The following DLGAP2 variants were observed in gnomAD, a reference collection of about 807,000 sequenced individuals.
DLGAP2 encodes the protein DLG associated protein 2.
Under a neutral mutation model 100.3 loss-of-function variants are expected in DLGAP2, and 26 were observed. That is an observed-to-expected ratio of 0.26 (90% CI 0.19 to 0.36). The LOEUF (loss-of-function observed/expected upper bound fraction) is 0.36. DLGAP2 is among the 10% of genes least tolerant of loss of function. The pLI, the probability that DLGAP2 is intolerant of heterozygous loss-of-function variation, is 1.00. For missense variants in DLGAP2, 1,858 were observed against 1,453.2 expected (o/e 1.28, Z -4.53); for synonymous variants, 886 against 630.1 (o/e 1.41, Z -6.08).
At chr8:800,827 A>G (rs1796136092) in intron 1 of DLGAP2, among the ~76,000 whole-genome samples, 1 of 152,074 alleles carries the variant, frequency 6.6e-6, no homozygotes, top group Admixed American at 6.6e-5. Flanking sequence ...TTTGCTGAGA[A>G]GAGGTTGCTG....
In DLGAP2 at chr8:1,707,087, AC is replaced by A. The variant is rs1202267227; in HGVS notation, c.*5682del. The A allele has an allele frequency of 2.6e-5, 4 of 152,660 alleles. No homozygotes were observed. The highest frequency in any genetic ancestry group is 9.6e-5 in the African/African-American group (4 of 41,462). 9.5% of individuals were successfully genotyped at this position (152,660 alleles called of 1,614,324 possible). ...TTACCTACTATCAAACTACTTTTTAACAGATTTTGTATATACACACACAAGT... is the reference window on the plus strand; with the variant it reads ...TTACCTACTATCAAACTACTTTTTAAAGATTTTGTATATACACACACAAGT... On this transcript the variant is annotated 3_prime_UTR_variant, in exon 15 of 15. Transcript: ENST00000637795.
At chr8:1,282,544 C>A (rs1299003274) in intron 3 of DLGAP2, among the ~76,000 whole-genome samples, 1 of 115,880 alleles carries the variant, frequency 8.6e-6, no homozygotes, top group Non-Finnish European at 1.8e-5. Context: ...CTGAACCATC[C>A]GGACATGGTG....
intron 3 of DLGAP2, among the ~76,000 whole-genome samples, chr8:1,450,362 G>C (rs552059108): frequency 2.4e-4 from 25 of 103,984 alleles, no homozygotes; most frequent in African/African-American, 8.2e-4. Flanking sequence ...CTCGGTGGCT[G>C]AGGCTGAGCT....
chr8:803,406 A>G (rs1279402897), intron 1 of DLGAP2, among the ~76,000 whole-genome samples: 1 of 151,844 alleles, frequency 6.6e-6, no homozygotes. Flanking sequence ...CTCTGCATGT[A>G]TTGTCTTTTT....
intron 1 of DLGAP2, among the ~76,000 whole-genome samples, chr8:743,633 A>T (rs1441882575): frequency 6.6e-6 from 1 of 152,144 alleles, no homozygotes; most frequent in African/African-American, 2.4e-5. Flanking sequence ...GCATAATCTC[A>T]GCTCACTGCA....
At chr8:987,367 C>T (rs1234794434) in intron 2 of DLGAP2, among the ~76,000 whole-genome samples, 1 of 152,162 alleles carries the variant, frequency 6.6e-6, no homozygotes, top group Non-Finnish European at 1.5e-5. Flanking sequence ...TGCCTTTGGC[C>T]TGGCTTGCAC....
chr8:762,279 C>T (rs1821107575), intron 1 of DLGAP2, among the ~76,000 whole-genome samples: 1 of 152,180 alleles, frequency 6.6e-6, no homozygotes, highest in Non-Finnish European at 1.5e-5. Context: ...AACTTATTAC[C>T]AACGATATGG....
Position 1,194,388 on chromosome 8 carries a change from G to C in DLGAP2, c.74-64463G>C, listed in dbSNP as rs570741527. 1.8e-4 allele frequency among the ~76,000 whole-genome samples: 27 copies of C among 152,194 alleles called. No homozygotes were observed. In the East Asian group the frequency reaches 5.3e-3, roughly 30 times the overall value. ...TCGGTTGGCGGCCGGCCCACATAAG[G>C]GCACCATGCTCACCGTGTCTAGGCA... On this transcript the variant is annotated intron_variant, in intron 2 of 14. Transcript: ENST00000637795.
In DLGAP2 at chr8:1,623,711, A is replaced by G. The variant is rs553717880; in HGVS notation, c.1443-3029A>G. On this transcript the variant is annotated intron_variant, in intron 6 of 14. Transcript: ENST00000637795. Reference sequence around the variant, plus strand: ...ACCAGTGCACAATGACCTTGCAGCAATGTGCGTCTGATGCTGCATTCATAG... The same window carrying G: ...ACCAGTGCACAATGACCTTGCAGCAGTGTGCGTCTGATGCTGCATTCATAG... Among the ~76,000 whole-genome samples, 9 of 152,378 alleles carry G rather than the reference A, an allele frequency of 5.9e-5. No homozygotes were observed. The South Asian group carries it at 8.3e-4, about 14-fold the overall frequency.
chr8:1,340,387 T>C (rs1462611110), intron 3 of DLGAP2, among the ~76,000 whole-genome samples: 1 of 152,030 alleles, frequency 6.6e-6, no homozygotes, highest in Admixed American at 6.6e-5. Flanking sequence ...AACACATTTG[T>C]AAGAAAAAAA....
At chr8:1,666,415 G>A (rs944375020) in intron 8 of DLGAP2, among the ~76,000 whole-genome samples, 3 of 152,288 alleles carry the variant, frequency 2.0e-5, no homozygotes, top group East Asian at 1.9e-4. Flanking sequence ...GCTCACACCT[G>A]TAATCCCAGT....
intron 2 of DLGAP2, among the ~76,000 whole-genome samples, chr8:1,131,017 C>T (rs1796282159): frequency 6.6e-6 from 1 of 152,182 alleles, no homozygotes. Flanking sequence ...TTTCCTCATG[C>T]CACTCAGTTT....
intron 1 of DLGAP2, among the ~76,000 whole-genome samples, chr8:803,564 C>T (rs34417394): frequency 0.14 from 20,674 of 151,802 alleles, 1,878 homozygotes; most frequent in East Asian, 0.52. Flanking sequence ...AGATGCCCAC[C>T]GAGAAGCATC....
intron 2 of DLGAP2, among the ~76,000 whole-genome samples, chr8:1,052,720 G>A (rs1245067517): frequency 6.6e-6 from 1 of 152,056 alleles, no homozygotes; most frequent in Non-Finnish European, 1.5e-5. Context: ...AACTCATCTG[G>A]GTAATACAGG....
chr8:1,196,056 T>G (rs1381763024), intron 2 of DLGAP2, among the ~76,000 whole-genome samples: 2 of 152,202 alleles, frequency 1.3e-5, no homozygotes, highest in Admixed American at 1.3e-4. Flanking sequence ...AAAATGAAAC[T>G]GAGGCCACAA....
At chr8:1,525,055 T>C (rs537988388) in intron 4 of DLGAP2, among the ~76,000 whole-genome samples, 1 of 152,324 alleles carries the variant, frequency 6.6e-6, no homozygotes, top group East Asian at 1.9e-4. Context: ...CATTGTTTTC[T>C]TTCTGTTCAG....
In DLGAP2 at chr8:811,434, G is replaced by C. The variant is rs370621153; in HGVS notation, c.18+73609G>C. Among the ~76,000 whole-genome samples, 120 of 144,772 alleles carry C rather than the reference G, an allele frequency of 8.3e-4. 1 individual carries two copies. Among genetic ancestry groups the C allele is most frequent in the South Asian group, 3.9e-3 (17 of 4,350 alleles). 95.0% of individuals were successfully genotyped at this position (144,772 alleles called of 152,430 possible). On this transcript the variant is annotated intron_variant, in intron 1 of 14. Transcript: ENST00000637795. ...CCGTGGTGAGAGGCCACCAGCTTTC[G>C]GATGAAGCTCCCATCAACCTTGGAA...
intron 3 of DLGAP2, among the ~76,000 whole-genome samples, chr8:1,365,563 C>T (rs551210776): frequency 3.9e-5 from 6 of 152,288 alleles, no homozygotes; most frequent in African/African-American, 7.2e-5. Context: ...GTTTGCTCGC[C>T]GAGATAAAAT....
chr8:1,485,548 A>G (rs149367743), intron 3 of DLGAP2, among the ~76,000 whole-genome samples: 1 of 152,348 alleles, frequency 6.6e-6, no homozygotes, highest in East Asian at 1.9e-4. Context: ...CGTGTGTCCC[A>G]CGTTGCGTCC....
Sources: gnomAD v4.1 joint callset for allele counts (sites outside exome capture counted in the v4.1 genomes callset) on GRCh38, gnomAD v4.1.1 for gene constraint, MANE v1.5 for transcripts, NCBI Gene and HGNC (gene_info 2026-07-23, HGNC 2026-07-21) for gene names.